The following ANKRD17 variants were observed in gnomAD, a reference collection of about 807,000 sequenced individuals.
The protein encoded by ANKRD17 is ankyrin repeat domain-containing protein 17.
ANKRD17 carries 19 observed loss-of-function variants against 229.7 expected under a neutral mutation model. That is an observed-to-expected ratio of 0.08 (90% CI 0.06 to 0.12). ANKRD17 has a LOEUF of 0.12. Ranked by LOEUF, ANKRD17 falls within the 10% of genes least tolerant of loss-of-function variation. The pLI, the probability that ANKRD17 is intolerant of heterozygous loss-of-function variation, is 1.00. For synonymous variants in ANKRD17, 1,112 were observed against 1,146.1 expected, an observed-to-expected ratio of 0.97 and a Z score of 0.60; for missense variants, 2,176 against 3,176.8, an observed-to-expected ratio of 0.68 and a Z score of 7.57.
intron 1 of ANKRD17, among the ~76,000 whole-genome samples, chr4:73,226,389 GTTTTTTTTTTTTTT>G (rs1157719883): frequency 2.3e-5 from 2 of 87,612 alleles, no homozygotes; most frequent in Non-Finnish European, 4.2e-5. Context: ...CTTTTCTTCT[GTTTTTTTTTTTTTT>G]TTTTTTTTTG....
chr4:73,151,840 T>C (rs1383448373), intron 6 of ANKRD17, among the ~76,000 whole-genome samples: 1 of 152,170 alleles, frequency 6.6e-6, no homozygotes, highest in African/African-American at 2.4e-5. Context: ...TATATAGTTA[T>C]GTTATATATG....
Position 73,230,529 on chromosome 4 carries a change from A to G in ANKRD17, c.393+27747T>C, listed in dbSNP as rs547546261. On this transcript the variant is annotated intron_variant, in intron 1 of 33. Coordinates refer to ENST00000358602, the MANE Select transcript of ANKRD17 (RefSeq NM_032217.5). ...CCACCTCCAAGAGGCTATAATCTAG[A>G]ACACAATCCTGATTCTTGACAATGT... Among the ~76,000 whole-genome samples, 6 of 152,310 alleles carry G rather than the reference A, an allele frequency of 3.9e-5. No homozygotes were observed. The East Asian group carries it at 1.2e-3, about 29-fold the overall frequency.
At chr4:73,107,587 T>C (rs545667024) in intron 24 of ANKRD17, among the ~76,000 whole-genome samples, 1 of 152,296 alleles carries the variant, frequency 6.6e-6, no homozygotes, top group African/African-American at 2.4e-5. Context: ...GATTTTTAAA[T>C]AGGGTAATCA....
chr4:73,082,051 G>A (rs1403657714), intron 30 of ANKRD17, among the ~76,000 whole-genome samples: 1 of 151,880 alleles, frequency 6.6e-6, no homozygotes, highest in Non-Finnish European at 1.5e-5. Context: ...TTGAGAAGCT[G>A]AGGCAGGAAG....
At chr4:73,151,551 T>C (rs1486257744) in intron 6 of ANKRD17, 27 bp from the exon 7 acceptor site, 5 of 1,421,826 alleles carry the variant, frequency 3.5e-6, no homozygotes, top group Non-Finnish European at 4.7e-6. Context: ...CAAGATTACT[T>C]GAAAATATTT....
chr4:73,231,287 A>G (rs1743017528), intron 1 of ANKRD17, among the ~76,000 whole-genome samples: 1 of 152,204 alleles, frequency 6.6e-6, no homozygotes, highest in African/African-American at 2.4e-5. Context: ...AAGTAACTCA[A>G]GATAGCATCA....
chr4:73,128,785 A>G (rs1283043870), intron 16 of ANKRD17, among the ~76,000 whole-genome samples: 1 of 152,126 alleles, frequency 6.6e-6, no homozygotes, highest in Non-Finnish European at 1.5e-5. Flanking sequence ...AAAGTGGGCA[A>G]CTCCATTGTA....
At chr4:73,213,071 A>C (rs947182984) in intron 1 of ANKRD17, among the ~76,000 whole-genome samples, 1 of 151,190 alleles carries the variant, frequency 6.6e-6, no homozygotes, top group African/African-American at 2.4e-5. Context: ...TTAGAAGCTG[A>C]GTGGATAGAA....
At chr4:73,078,453 G>A (rs1264605859) in intron 31 of ANKRD17, among the ~76,000 whole-genome samples, 189 bp downstream of exon 31, 32 of 151,880 alleles carry the variant, frequency 2.1e-4, no homozygotes, top group Non-Finnish European at 2.9e-5. Context: ...CAGGAGAATC[G>A]CTTGAACCGG....
intron 14 of ANKRD17, 122 bp downstream of exon 14, chr4:73,141,619 G>T: frequency 2.4e-6 from 2 of 842,392 alleles, no homozygotes; most frequent in South Asian, 1.7e-5. Flanking sequence ...CTTTTATCAT[G>T]GGTTAAAAAT....
intron 30 of ANKRD17, 88 bp downstream of exon 30, chr4:73,085,161 G>T: frequency 2.2e-6 from 3 of 1,350,212 alleles, no homozygotes; most frequent in Non-Finnish European, 3.1e-6. Context: ...ACCTTTTTAT[G>T]GTATTAAAAT....
chr4:73,088,324 T>A (rs1465689535), intron 29 of ANKRD17, among the ~76,000 whole-genome samples: 1 of 152,134 alleles, frequency 6.6e-6, no homozygotes, highest in African/African-American at 2.4e-5. Context: ...AAAAGGAGTA[T>A]CTTTAACTCA....
intron 18 of ANKRD17, among the ~76,000 whole-genome samples, chr4:73,122,876 A>G (rs1726938066): frequency 6.6e-6 from 1 of 152,116 alleles, no homozygotes; most frequent in Non-Finnish European, 1.5e-5. Flanking sequence ...TCTCAATGCC[A>G]TTATATTTCT....
rs1290470385 is a variant in ANKRD17 at position 73,098,873 on chromosome 4, A to T, written c.4574-353T>A. On this transcript the variant is annotated intron_variant, in intron 25 of 33. Coordinates refer to ENST00000358602, the MANE Select transcript of ANKRD17 (RefSeq NM_032217.5). ...CCAGCCCTTGGCCTCCAAGCAGGAA[A>T]TGGACAGCACTGAGAAGCGGGGCCG... is the stretch of plus-strand genomic sequence containing the variant. 8.7e-6 allele frequency: 12 copies of T among 1,373,818 alleles called. No individual in the cohort carries two copies. In the African/African-American group the frequency reaches 1.7e-4, roughly 20 times the overall value. 85.1% of individuals were successfully genotyped at this position (1,373,818 alleles called of 1,614,324 possible). A position where few individuals can be genotyped will look rare whatever the true frequency, so the allele number is the denominator to read the frequency against.
At chr4:73,098,560 T>A in intron 25 of ANKRD17, 40 bp from the exon 26 acceptor site, 1 of 1,557,416 alleles carries the variant, frequency 6.4e-7, no homozygotes, top group East Asian at 2.2e-5. Flanking sequence ...GTTCTAAGTG[T>A]TCCCAGAATG....
At chr4:73,150,435 A>G (rs1213742257) in intron 7 of ANKRD17, among the ~76,000 whole-genome samples, 2 of 152,180 alleles carry the variant, frequency 1.3e-5, no homozygotes, top group Non-Finnish European at 2.9e-5. Flanking sequence ...TAATACTATT[A>G]ATGTGTTTTA....
chr4:73,103,988 A>G (rs1724312656), intron 24 of ANKRD17: 1 of 152,204 alleles, frequency 6.6e-6, no homozygotes, highest in African/African-American at 2.4e-5. Flanking sequence ...CCCTGCGGTA[A>G]TGCAACATAC....
At chr4:73,092,422 A>C (rs1722881122) in intron 28 of ANKRD17, 122 bp from the exon 29 acceptor site, 1 of 755,520 alleles carries the variant, frequency 1.3e-6, no homozygotes, top group Admixed American at 3.0e-5. Flanking sequence ...ACATACACAC[A>C]TACAAACAAA....
chr4:73,228,972 T>A (rs1237328643), intron 1 of ANKRD17, among the ~76,000 whole-genome samples: 1 of 152,218 alleles, frequency 6.6e-6, no homozygotes, highest in African/African-American at 2.4e-5. Context: ...GATGAGTTCA[T>A]GTCCTTTGTA....
Sources: gnomAD v4.1 joint callset for allele counts (sites outside exome capture counted in the v4.1 genomes callset) on GRCh38, gnomAD v4.1.1 for gene constraint, MANE v1.5 for transcripts, NCBI Gene and HGNC (gene_info 2026-07-23, HGNC 2026-07-21) for gene names.